Variants in INTS1 observed in about 807,000 individuals in gnomAD.
INTS1 encodes integrator complex subunit 1.
Under a neutral mutation model 241.6 loss-of-function variants are expected in INTS1, and 137 were observed. The ratio of observed to expected loss-of-function variants is 0.57; its 90% confidence interval spans 0.49 to 0.65. The LOEUF is 0.65. Among genes scored for constraint, INTS1 ranks in the 30% least tolerant of loss-of-function variants. The probability of loss-of-function intolerance (pLI) is 0.00; values close to 1 mark genes in which losing one functional copy is unlikely to be tolerated. For missense variants in INTS1, 3,073 were observed against 3,032.2 expected (o/e 1.01, Z -0.32); for synonymous variants, 1,692 against 1,337.8 (o/e 1.26, Z -5.78).
rs780735420 is a variant in INTS1, at chr7:1,503,145, C to T, written c.105G>A (p.Gln35=). The change falls in exon 3 of 48, where the codon CAG becomes CAA. Residue 35 remains glutamine, a synonymous_variant. Transcript: ENST00000404767. ...TGGACGCCGTTTTCGATTCATTGGC[C>T]TGACCCTTTGAGCCCAGAGCAATGA... ...GDFIALGSKG[Q]ANESKTASTL... 5.1e-6 allele frequency: 8 copies of T among 1,582,776 alleles called. No individual in the cohort carries two copies. The highest frequency in any genetic ancestry group is 1.1e-5 in the South Asian group (1 of 87,854).
At position 1,481,155 on chromosome 7, in the gene INTS1, C is replaced by T; in HGVS notation, c.3850+187G>A. On this transcript the variant is annotated intron_variant, in intron 28 of 47. Transcript: ENST00000404767. The surrounding 1 kb of genome is among the most constrained non-coding windows in gnomAD (Gnocchi z 6.8). ...CCTGGCCCCAGGGTTGGGGCAGGCCCAGGCCTCGGCTCCCTCCTGACTGTG... is the reference window on the plus strand; with the variant it reads ...CCTGGCCCCAGGGTTGGGGCAGGCCTAGGCCTCGGCTCCCTCCTGACTGTG... 3.9e-6 allele frequency: 3 copies of T among 777,256 alleles called. No individual in the cohort carries two copies. The South Asian group carries it at 4.7e-5, about 12-fold the overall frequency. 48.1% of individuals were successfully genotyped at this position (777,256 alleles called of 1,614,324 possible). A position where few individuals can be genotyped will look rare whatever the true frequency, so the allele number is the denominator to read the frequency against.
At chr7:1,485,704 C>T (rs1402507613) in intron 22 of INTS1, among the ~76,000 whole-genome samples, 2 of 152,258 alleles carry the variant, frequency 1.3e-5, no homozygotes, top group East Asian at 3.8e-4. Flanking sequence ...AAGAAAGGAA[C>T]ACCAGGCAGG....
intron 19 of INTS1, 123 bp downstream of exon 19, chr7:1,487,636 AG>A: frequency 2.3e-6 from 3 of 1,325,412 alleles, no homozygotes; most frequent in Non-Finnish European, 3.2e-6. Context: ...GGGGCTCCAC[AG>A]GCCTTTCAGG....
chr7:1,485,565 C>T (rs576435127), intron 22 of INTS1, 96 bp from the exon 23 acceptor site: 50 of 1,315,638 alleles, frequency 3.8e-5, no homozygotes, highest in South Asian at 2.9e-4. Flanking sequence ...CTCAGAGCCC[C>T]GAGGAGAATG....
At chr7:1,503,871 C>T in intron 2 of INTS1, 32 bp downstream of exon 2, 1 of 1,536,078 alleles carries the variant, frequency 6.5e-7, no homozygotes, top group Admixed American at 1.9e-5. Flanking sequence ...CCCCAAAGAC[C>T]CCCGGGCTGC....
In INTS1 at chr7:1,476,860, T is replaced by C; in HGVS notation, c.4997A>G (p.His1666Arg). The C allele has an allele frequency of 6.2e-7, 1 of 1,612,946 alleles. No individual in the cohort carries two copies. Among genetic ancestry groups the C allele is most frequent in the East Asian group, 2.2e-5 (1 of 44,868 alleles). Residue 1666 changes from histidine to arginine, a missense_variant, in exon 36 of 48, where the codon CAT becomes CGT. His to Arg is a conservative substitution (Grantham distance 29). Transcript: ENST00000404767. The stretch of plus-strand genomic sequence containing the variant: ...GTGCAGTGTGGGCCAGCTGGACTGA[T>C]GCGTGAAGAGGGTCAGGAGGTAGGG... The part of the protein sequence containing the change: ...FRPYLLTLFT[H>R]QSSWPTLHQC...
In INTS1 at chr7:1,500,162, G is replaced by T; in HGVS notation, c.546+8C>A. The T allele has an allele frequency of 6.3e-7, 1 of 1,583,904 alleles. No individual in the cohort carries two copies. The highest frequency in any genetic ancestry group is 1.1e-5 in the South Asian group (1 of 88,768). ...CTGCTCGCCTCCTGCCAGGGGCCCG[G>T]CTCAAACCTCAATGACGCCCTCAGT... On this transcript the variant is annotated splice_region_variant and intron_variant, in intron 4 of 47. Transcript: ENST00000404767.
At chr7:1,489,197 T>C (rs1583134266) in intron 18 of INTS1, 147 bp downstream of exon 18, 2 of 402,240 alleles carry the variant, frequency 5.0e-6, no homozygotes, top group East Asian at 9.9e-5. Flanking sequence ...CAGGCTTAGA[T>C]CCAGAAGCTC....
In INTS1 at chr7:1,481,305, G is replaced by C; in HGVS notation, c.3850+37C>G. On this transcript the variant is annotated intron_variant, in intron 28 of 47. Coordinates refer to ENST00000404767, the MANE Select transcript of INTS1 (RefSeq NM_001080453.3). This position sits in a 1 kb window ranked among gnomAD's most constrained non-coding sequence, Gnocchi z 6.8. ...CTGGCCGGGCTGGGGCTCGGTCAGC[G>C]TGTGTGAACCCACTCCGCAGGTCCC... 4 of 1,610,872 alleles carry C rather than the reference G, an allele frequency of 2.5e-6. No homozygotes were observed. The highest frequency in any genetic ancestry group is 3.4e-6 in the Non-Finnish European group (4 of 1,178,764).
In INTS1 at chr7:1,473,394, G is replaced by A. The variant is rs185113352; in HGVS notation, c.5957+172C>T. 2.4e-3 allele frequency among the ~76,000 whole-genome samples: 361 copies of A among 152,294 alleles called. 2 individuals carry two copies. Among genetic ancestry groups the A allele is most frequent in the African/African-American group, 8.3e-3 (345 of 41,562 alleles). On this transcript the variant is annotated intron_variant, in intron 42 of 47. Coordinates refer to ENST00000404767, the MANE Select transcript of INTS1 (RefSeq NM_001080453.3). ...TGCAGGGGTGGGTTCAGACGGCTTC[G>A]GCACAGGGTGGGGCGGCCTCTGCGC... is the stretch of plus-strand genomic sequence containing the variant.
chr7:1,471,919 C>T (rs1781485634), intron 44 of INTS1, among the ~76,000 whole-genome samples: 1 of 152,222 alleles, frequency 6.6e-6, no homozygotes, highest in Admixed American at 6.5e-5. Context: ...GGCCCGACTC[C>T]ATCCGGGCCG....
chr7:1,472,593 G>C lies in INTS1; in HGVS notation c.6071-207C>G, dbSNP rs539253657. On this transcript the variant is annotated intron_variant, in intron 43 of 47. Transcript: ENST00000404767. ...CATGCACCTCTGCGAGTCTCTCCCT[G>C]CTGGGTTTCTCGCAATGTGGGCCAG... Among the ~76,000 whole-genome samples, 20 of 152,316 alleles carry C rather than the reference G, an allele frequency of 1.3e-4. No homozygotes were observed. In the South Asian group the frequency reaches 4.1e-3, roughly 32 times the overall value.
chr7:1,478,452 T>C lies in INTS1; in HGVS notation c.4544A>G (p.Glu1515Gly), dbSNP rs1432707254. 1 of 1,612,342 alleles carries C rather than the reference T, an allele frequency of 6.2e-7. No individual in the cohort carries two copies. Among genetic ancestry groups the C allele is most frequent in the Admixed American group, 1.7e-5 (1 of 60,006 alleles). The stretch of plus-strand genomic sequence containing the variant: ...GGCACGGACGGTGGAGCTGACCACC[T>C]CCAGGTCCTGACGGAAGGCCAGGGC... ...AEALAFRQDL[E>G]VVSSTVRAVI... Residue 1515 changes from glutamate (E) to glycine (G), a missense_variant, in exon 33 of 48, where the codon GAG (glutamate) becomes GGG (glycine). Glu to Gly is a moderately conservative substitution (Grantham distance 98). Transcript: ENST00000404767.
Position 1,499,316 on chromosome 7 carries a change from T to C in INTS1, c.889A>G (p.Thr297Ala), listed in dbSNP as rs1489216212. Residue 297 changes from threonine (T) to alanine (A), a missense_variant, in exon 7 of 48, where the codon ACG becomes GCG. Physicochemically the swap from Thr to Ala is moderately conservative, Grantham distance 58 (BLOSUM62 0). Coordinates refer to ENST00000404767, the MANE Select transcript of INTS1 (RefSeq NM_001080453.3). ...TTCTCCTCCGCGATCAGCAACTCCG[T>C]CTGGCTGTCCTCCTCCTCCGTGAGG... is the stretch of plus-strand genomic sequence containing the variant. Reference protein sequence around the residue: ...PSLTEEEDSQTELLIAEEKLS... With the variant: ...PSLTEEEDSQAELLIAEEKLS... 1 of 1,604,890 alleles carries C rather than the reference T, an allele frequency of 6.2e-7. No individual in the cohort carries two copies.
Position 1,502,904 on chromosome 7 carries a change from C to A in INTS1, c.346G>T (p.Glu116Ter). Reference protein sequence around the residue: ...SIKEPSVVPIEVLPTVLLDEI... With the variant: ...SIKEPSVVPI ...GGGATGTCCACAGACTCATTACCTT[C>A]AATTGGCACCACAGATGGCTCTTTA... Residue 116 changes from glutamate (E) to a stop codon, truncating the protein, a stop_gained, in exon 3 of 48, where the codon GAA becomes TAA. Coordinates refer to ENST00000404767, the MANE Select transcript of INTS1 (RefSeq NM_001080453.3). LOFTEE classifies it high-confidence loss of function. 3 of 1,613,830 alleles carry A rather than the reference C, an allele frequency of 1.9e-6. No homozygotes were observed. The highest frequency in any genetic ancestry group is 2.2e-5 in the East Asian group (1 of 44,878).
rs1317865233 is a variant in INTS1, at chr7:1,480,854, G to T, written c.3930C>A (p.Ala1310=). Residue 1310 remains alanine, a synonymous_variant, in exon 29 of 48, where the codon GCC becomes GCA. Coordinates refer to ENST00000404767, the MANE Select transcript of INTS1 (RefSeq NM_001080453.3). The part of the protein sequence containing the change: ...GGQTFHSLLT[A]SLPPRRDSTE... ...CAGTACCTCGGCGGGGCGGCAGGGA[G>T]GCTGTGAGCAAGGAGTGGAAAGTCT... is the stretch of plus-strand genomic sequence containing the variant. The T allele has an allele frequency of 1.3e-6, 2 of 1,553,522 alleles. No individual in the cohort carries two copies.
In INTS1 at chr7:1,495,482, T is replaced by C. The variant is rs779059307; in HGVS notation, c.1783A>G (p.Thr595Ala). 1.2e-6 allele frequency: 2 copies of C among 1,612,430 alleles called. No individual in the cohort carries two copies. The highest frequency in any genetic ancestry group is 1.3e-5 in the African/African-American group (1 of 74,884). Reference sequence around the variant, plus strand: ...AGCTTGCTGATGGAGGGGACCACAGTGTGGAGCCACCAGACGGCATCCCGC... The same window carrying C: ...AGCTTGCTGATGGAGGGGACCACAGCGTGGAGCCACCAGACGGCATCCCGC... The part of the protein sequence containing the change: ...IQRDAVWWLH[T>A]VVPSISKLAP... Residue 595 changes from threonine (T) to alanine (A), a missense_variant, in exon 13 of 48, where the codon ACT becomes GCT. Thr to Ala is a moderately conservative substitution (Grantham distance 58, BLOSUM62 0). Transcript: ENST00000404767.
Position 1,500,156 on chromosome 7 carries a change from G to C in INTS1, c.546+14C>G, listed in dbSNP as rs556536026. On this transcript the variant is annotated intron_variant, in intron 4 of 47. Coordinates refer to ENST00000404767, the MANE Select transcript of INTS1 (RefSeq NM_001080453.3). The stretch of plus-strand genomic sequence containing the variant: ...CCAGCGCTGCTCGCCTCCTGCCAGG[G>C]GCCCGGCTCAAACCTCAATGACGCC... The C allele has an allele frequency of 2.7e-5, 43 of 1,582,034 alleles. No homozygotes were observed. In the East Asian group the frequency reaches 9.4e-4, roughly 34 times the overall value.
chr7:1,496,597 G>A (rs929006993), intron 11 of INTS1, among the ~76,000 whole-genome samples: 1 of 152,158 alleles, frequency 6.6e-6, no homozygotes, highest in Non-Finnish European at 1.5e-5. Flanking sequence ...GACCAGTTGG[G>A]AGAGGGGCCT....
Sources: gnomAD v4.1 joint callset for allele counts (sites outside exome capture counted in the v4.1 genomes callset) on GRCh38, gnomAD v4.1.1 for gene constraint, Gnocchi (gnomAD v3.1) non-coding constraint, MANE v1.5 for transcripts, NCBI Gene and HGNC (gene_info 2026-07-23, HGNC 2026-07-21) for gene names.